APLP2: variants seen among roughly 807,000 people sequenced by gnomAD.
APLP2 encodes CDEI box-binding protein.
A neutral mutation model predicts 89.9 loss-of-function variants in APLP2; 53 were observed. The observed-to-expected ratio is 0.59, with a 90% CI of 0.47 to 0.74. The LOEUF is 0.74. APLP2 is among the 30% of genes least tolerant of loss of function. The pLI is 0.00. For missense variants in APLP2, 973 were observed against 975.9 expected, an observed-to-expected ratio of 1.00 and a Z score of 0.04; for synonymous variants, 372 against 348.6, an observed-to-expected ratio of 1.07 and a Z score of -0.75.
In APLP2 at chr11:130,141,454, G is replaced by T. The variant is rs781487644; in HGVS notation, c.1924-44G>T. 1 of 1,530,350 alleles carries T rather than the reference G, an allele frequency of 6.5e-7. No individual in the cohort carries two copies. The highest frequency in any genetic ancestry group is 1.1e-5 in the South Asian group (1 of 89,268). 94.8% of individuals were successfully genotyped at this position (1,530,350 alleles called of 1,614,324 possible). A position where few individuals can be genotyped will look rare whatever the true frequency, so the allele number is the denominator to read the frequency against. ...GGAGGCAGTAAATACCAAACTCCCCGTTCACCCAGTTGCTTGCTGCCGACA... is the reference window on the plus strand; with the variant it reads ...GGAGGCAGTAAATACCAAACTCCCCTTTCACCCAGTTGCTTGCTGCCGACA... On this transcript the variant is annotated intron_variant, in intron 14 of 16. Coordinates refer to ENST00000338167, the MANE Select transcript of APLP2 (RefSeq NM_001142276.2). This position sits in a 1 kb window ranked among gnomAD's most constrained non-coding sequence, Gnocchi z 4.2.
intron 3 of APLP2, among the ~76,000 whole-genome samples, chr11:130,116,973 T>G (rs1454171122): frequency 2.6e-5 from 4 of 152,074 alleles, no homozygotes; most frequent in African/African-American, 9.6e-5. Flanking sequence ...CTACTAAAAA[T>G]AGTAAAAATT....
intron 3 of APLP2, among the ~76,000 whole-genome samples, chr11:130,120,250 C>G (rs1949667037): frequency 6.6e-6 from 1 of 152,090 alleles, no homozygotes; most frequent in African/African-American, 2.4e-5. Context: ...ATTATTCTTA[C>G]TGGATTCAAT....
intron 1 of APLP2, chr11:130,109,181 T>G: frequency 4.1e-6 from 1 of 242,710 alleles, no homozygotes; most frequent in Non-Finnish European, 7.8e-6. Context: ...ACATGTTCCC[T>G]AGAACTTAAA....
intron 12 of APLP2, among the ~76,000 whole-genome samples, chr11:130,135,202 T>A (rs562064074): frequency 6.6e-6 from 1 of 152,094 alleles, no homozygotes; most frequent in South Asian, 2.1e-4. Flanking sequence ...TTCTTATTTT[T>A]AAAAAAAAGT....
chr11:130,126,578 C>T (rs1950389179), intron 7 of APLP2, 122 bp from the exon 8 acceptor site: 2 of 1,138,974 alleles, frequency 1.8e-6, no homozygotes. Flanking sequence ...ATAGCAGCAC[C>T]CTGCACTTAG....
chr11:130,130,874 T>C (rs1423650614), intron 11 of APLP2, among the ~76,000 whole-genome samples: 2 of 152,178 alleles, frequency 1.3e-5, no homozygotes, highest in African/African-American at 4.8e-5. Context: ...AAACCCTCCT[T>C]CCCCACAGCT....
In APLP2 at chr11:130,085,395, T is replaced by G. The variant is rs553771063; in HGVS notation, c.105+15313T>G. Among the ~76,000 whole-genome samples the G allele has an allele frequency of 6.6e-5, 10 of 151,986 alleles. No homozygotes were observed. The East Asian group carries it at 1.9e-3, about 29-fold the overall frequency. The stretch of plus-strand genomic sequence containing the variant: ...TGAACCTGGGAGGCAGAGGTTGCAG[T>G]GAGCTGAGATTGTGCCAGTGAACTC... On this transcript the variant is annotated intron_variant, in intron 1 of 16. Coordinates refer to ENST00000338167, the MANE Select transcript of APLP2 (RefSeq NM_001142276.2).
At position 130,091,076 on chromosome 11, in the gene APLP2, TGGCCGGGCGGGG is replaced by T. The variant is rs1180685346; in HGVS notation, c.106-18349_106-18338del. Among the ~76,000 whole-genome samples, 6 of 139,734 alleles carry T rather than the reference TGGCCGGGCGGGG, an allele frequency of 4.3e-5. No individual in the cohort carries two copies. In the South Asian group the frequency reaches 1.4e-3, roughly 33 times the overall value. The allele number at this position is 139,734 out of a possible 152,430, so 91.7% of individuals were successfully genotyped here. ...CCACCTCCCTCCCGGACGGGGCGGC[TGGCCGGGCGGGG>T]GGCTGACCCCCCCACCTCCCTCCCG... On this transcript the variant is annotated intron_variant, in intron 1 of 16. Coordinates refer to ENST00000338167, the MANE Select transcript of APLP2 (RefSeq NM_001142276.2).
At chr11:130,102,988 C>G (rs1359777661) in intron 1 of APLP2, among the ~76,000 whole-genome samples, 1 of 152,142 alleles carries the variant, frequency 6.6e-6, no homozygotes, top group Non-Finnish European at 1.5e-5. Context: ...GCTTCAGTGC[C>G]AACACATGGG....
intron 1 of APLP2, among the ~76,000 whole-genome samples, chr11:130,098,808 G>A (rs1946544308): frequency 6.6e-6 from 1 of 152,196 alleles, no homozygotes; most frequent in African/African-American, 2.4e-5. Flanking sequence ...TATAATTTCT[G>A]AGAGTATTGC....
chr11:130,070,403 C>T (rs1410019945), intron 1 of APLP2, among the ~76,000 whole-genome samples: 2 of 151,214 alleles, frequency 1.3e-5, no homozygotes, highest in Admixed American at 6.6e-5. Context: ...TGCCCCCGGG[C>T]GCCCGCCCCG....
At chr11:130,127,064 CTT>C (rs34915276) in intron 8 of APLP2, among the ~76,000 whole-genome samples, 8,330 of 127,172 alleles carry the variant, frequency 0.066, 675 homozygotes, top group African/African-American at 0.2. Context: ...ATTATCTGCC[CTT>C]TTTTTTTTTT....
intron 12 of APLP2, 35 bp downstream of exon 12, chr11:130,133,763 G>T: frequency 1.3e-6 from 2 of 1,523,428 alleles, no homozygotes; most frequent in South Asian, 1.1e-5. Context: ...GGTCATACGG[G>T]ACTTCTTGCA....
intron 3 of APLP2, among the ~76,000 whole-genome samples, chr11:130,113,475 T>C (rs1333331877): frequency 6.6e-6 from 1 of 152,224 alleles, no homozygotes; most frequent in Non-Finnish European, 1.5e-5. Context: ...CCAGCATCCA[T>C]TTGGACAACT....
rs1192481907 is a variant in APLP2 at position 130,141,930 on chromosome 11, C to T, written c.2010C>T (p.Gly670=). The stretch of plus-strand genomic sequence containing the variant: ...GCTTTATTACGTAGGAATCCGTGGG[C>T]CCACTGCGGGAGGACTTCAGTCTGA... ...GGLEEERESV[G]PLREDFSLSS... The change falls in exon 16 of 17, where the codon GGC becomes GGT. Residue 670 remains glycine (G), a synonymous_variant. Transcript: ENST00000338167. The surrounding 1 kb of genome is among the most constrained non-coding windows in gnomAD (Gnocchi z 4.2). The T allele has an allele frequency of 1.2e-6, 2 of 1,602,884 alleles. No individual in the cohort carries two copies. The highest frequency in any genetic ancestry group is 1.3e-5 in the African/African-American group (1 of 74,852).
At chr11:130,114,662 C>T (rs564016376) in intron 3 of APLP2, among the ~76,000 whole-genome samples, 30 of 152,304 alleles carry the variant, frequency 2.0e-4, no homozygotes, top group Admixed American at 3.9e-4. Flanking sequence ...CTCCTGGAGT[C>T]TGTTTTCTCT....
chr11:130,091,110 C>T (rs1945005554), intron 1 of APLP2, among the ~76,000 whole-genome samples: 1 of 145,320 alleles, frequency 6.9e-6, no homozygotes, highest in Non-Finnish European at 1.5e-5. Context: ...CCACCTCCCT[C>T]CCGGACGGGG....
intron 1 of APLP2, among the ~76,000 whole-genome samples, chr11:130,071,642 ACTC>A (rs1941122065): frequency 6.6e-6 from 1 of 152,252 alleles, no homozygotes; most frequent in African/African-American, 2.4e-5. Context: ...ACAGTAGAAG[ACTC>A]AGCAGTTTTA....
At chr11:130,105,702 T>C (rs1356944331) in intron 1 of APLP2, among the ~76,000 whole-genome samples, 2 of 86,932 alleles carry the variant, frequency 2.3e-5, no homozygotes, top group South Asian at 2.9e-4. Flanking sequence ...TTCTGTCTGC[T>C]TTTTTTTTTT....
Sources: allele counts gnomAD v4.1 joint callset (sites outside exome capture counted in the v4.1 genomes callset), GRCh38; gene constraint gnomAD v4.1.1; non-coding constraint Gnocchi (gnomAD v3.1); transcripts MANE v1.5; gene names NCBI Gene and HGNC (gene_info 2026-07-23, HGNC 2026-07-21).